The following CPQ variants were observed in gnomAD, a reference collection of about 807,000 sequenced individuals.
The protein encoded by CPQ is carboxypeptidase Q, also known as Ser-Met dipeptidase.
A neutral mutation model predicts 45.7 loss-of-function variants in CPQ; 37 were observed. The ratio of observed to expected loss-of-function variants is 0.81; its 90% CI spans 0.62 to 1.07. CPQ has a LOEUF of 1.07. Among genes scored for constraint, CPQ ranks in the 50% least tolerant of loss-of-function variants. The pLI, the probability that CPQ is intolerant of heterozygous loss-of-function variation, is 0.00. For synonymous variants in CPQ, 186 were observed against 205.8 expected (o/e 0.90, Z 0.82); for missense variants, 537 against 572.9 (o/e 0.94, Z 0.64).
intron 1 of CPQ, among the ~76,000 whole-genome samples, chr8:96,778,759 GTAT>G (rs1461661909): frequency 2.6e-5 from 4 of 152,034 alleles, no homozygotes; most frequent in Non-Finnish European, 5.9e-5. Flanking sequence ...GAGACATTAA[GTAT>G]TATTATAAAA....
At chr8:96,849,058 T>C (rs910056857) in intron 3 of CPQ, among the ~76,000 whole-genome samples, 13 of 152,226 alleles carry the variant, frequency 8.5e-5, no homozygotes, top group African/African-American at 3.1e-4. Context: ...TAAGATGTGG[T>C]GTATATTTTA....
At chr8:97,042,498 C>T (rs1211062043) in intron 6 of CPQ, among the ~76,000 whole-genome samples, 204 of 151,920 alleles carry the variant, frequency 1.3e-3, no homozygotes, top group Admixed American at 8.8e-3. Flanking sequence ...AGTTCTCCTC[C>T]GATTTTAGTT....
At chr8:96,879,354 G>T (rs917411012) in intron 3 of CPQ, among the ~76,000 whole-genome samples, 10 of 152,206 alleles carry the variant, frequency 6.6e-5, no homozygotes, top group Non-Finnish European at 1.3e-4. Context: ...TGGGTGGGAA[G>T]AGAGTAGGCC....
chr8:96,735,117 G>GT (rs1471259767), intron 1 of CPQ, among the ~76,000 whole-genome samples: 1 of 151,814 alleles, frequency 6.6e-6, no homozygotes, highest in African/African-American at 2.4e-5. Flanking sequence ...GGACCACTAT[G>GT]TTTTTTTCAG....
intron 7 of CPQ, among the ~76,000 whole-genome samples, chr8:97,083,932 A>G (rs1810999354): frequency 6.6e-6 from 1 of 151,894 alleles, no homozygotes; most frequent in African/African-American, 2.4e-5. Flanking sequence ...CACTTATTTT[A>G]TTTTTTTTCA....
intron 7 of CPQ, among the ~76,000 whole-genome samples, chr8:97,101,428 A>G (rs1811302058): frequency 6.7e-6 from 1 of 149,950 alleles, no homozygotes; most frequent in Admixed American, 6.7e-5. Context: ...CTGCCGTACT[A>G]TATATATATA....
intron 7 of CPQ, among the ~76,000 whole-genome samples, chr8:97,121,515 A>G (rs1466808682): frequency 1.3e-5 from 2 of 152,228 alleles, no homozygotes; most frequent in East Asian, 1.9e-4. Context: ...TGAAAGGATC[A>G]AGTACATCTA....
chr8:96,690,294 C>T (rs986626259), intron 1 of CPQ, among the ~76,000 whole-genome samples: 2 of 152,058 alleles, frequency 1.3e-5, no homozygotes, highest in Non-Finnish European at 2.9e-5. Context: ...CACATTTTTT[C>T]TGGATCAGCT....
chr8:97,110,411 G>A (rs1811480620), intron 7 of CPQ, among the ~76,000 whole-genome samples: 1 of 152,090 alleles, frequency 6.6e-6, no homozygotes, highest in Non-Finnish European at 1.5e-5. Flanking sequence ...TGGCATTTAT[G>A]AGTAGAGCTA....
intron 6 of CPQ, among the ~76,000 whole-genome samples, chr8:97,063,322 G>T (rs1341074693): frequency 2.0e-5 from 3 of 151,926 alleles, no homozygotes; most frequent in Admixed American, 1.3e-4. Flanking sequence ...CTTTTTAATG[G>T]GGTTGTTTTT....
At chr8:96,918,518 T>TCTTCTTACTCCTAGTTCTTA (rs1812761700) in intron 4 of CPQ, among the ~76,000 whole-genome samples, 1 of 152,102 alleles carries the variant, frequency 6.6e-6, no homozygotes, top group Non-Finnish European at 1.5e-5. Flanking sequence ...GTATCCAGTT[T>TCTTCTTACTCCTAGTTCTTA]CTTCTTACTC....
intron 7 of CPQ, among the ~76,000 whole-genome samples, chr8:97,104,804 A>G (rs1360475317): frequency 2.0e-5 from 3 of 152,186 alleles, no homozygotes; most frequent in African/African-American, 7.2e-5. Context: ...GATTTAGTCT[A>G]GGTCATCATC....
At chr8:96,814,265 G>C (rs1051465655) in intron 2 of CPQ, among the ~76,000 whole-genome samples, 4 of 151,990 alleles carry the variant, frequency 2.6e-5, no homozygotes, top group African/African-American at 9.7e-5. Context: ...AAAATCACAG[G>C]AACTCTTTAT....
At chr8:96,701,469 C>A (rs1463154740) in intron 1 of CPQ, among the ~76,000 whole-genome samples, 1 of 152,128 alleles carries the variant, frequency 6.6e-6, no homozygotes, top group East Asian at 1.9e-4. Context: ...TTGATGTTTT[C>A]TAAATCCCAA....
intron 1 of CPQ, among the ~76,000 whole-genome samples, chr8:96,656,412 G>A (rs1054558972): frequency 8.5e-5 from 13 of 152,150 alleles, no homozygotes; most frequent in Non-Finnish European, 1.9e-4. Flanking sequence ...CTTCCTGGCT[G>A]GGTGGTACTA....
chr8:97,076,643 C>A (rs573972018), intron 7 of CPQ, among the ~76,000 whole-genome samples: 1 of 152,266 alleles, frequency 6.6e-6, no homozygotes, highest in East Asian at 1.9e-4. Context: ...GTTCCCCTAT[C>A]CCTTGTATTT....
intron 6 of CPQ, among the ~76,000 whole-genome samples, chr8:97,061,964 T>C (rs1027282526): frequency 7.2e-5 from 11 of 152,146 alleles, no homozygotes; most frequent in African/African-American, 2.4e-4. Flanking sequence ...ACACTCTTGA[T>C]CTCTCTGCTA....
rs371991644 is a variant in CPQ at position 96,717,432 on chromosome 8, C to T, written c.-34-67432C>T. 5.3e-5 allele frequency among the ~76,000 whole-genome samples: 8 copies of T among 152,032 alleles called. No individual in the cohort carries two copies. In the East Asian group the frequency reaches 1.6e-3, roughly 30 times the overall value. ...CTGGTCTATGTGCCTATTTTTATAC[C>T]AGTACCGTGCTGTTTTGGTGACTAT... On this transcript the variant is annotated intron_variant, in intron 1 of 7. Coordinates refer to ENST00000220763, the MANE Select transcript of CPQ (RefSeq NM_016134.4).
At chr8:96,748,751 AACAGATTGCT>A (rs1467538766) in intron 1 of CPQ, among the ~76,000 whole-genome samples, 1 of 152,230 alleles carries the variant, frequency 6.6e-6, no homozygotes, top group Non-Finnish European at 1.5e-5. Flanking sequence ...ACAAAATTTC[AACAGATTGCT>A]ACAGATTGCT....
Sources: gnomAD v4.1 joint callset for allele counts (sites outside exome capture counted in the v4.1 genomes callset) on GRCh38, gnomAD v4.1.1 for gene constraint, MANE v1.5 for transcripts, NCBI Gene and HGNC (gene_info 2026-07-23, HGNC 2026-07-21) for gene names.